The following PLCE1 variants were observed in gnomAD, a reference collection of about 807,000 sequenced individuals.
PLCE1 encodes the protein phospholipase C epsilon 1, also known as 1-phosphatidylinositol 4,5-bisphosphate phosphodiesterase epsilon-1.
In PLCE1, 119 loss-of-function variants were observed where a neutral mutation model predicts 242.8. The observed-to-expected ratio is 0.49, with a 90% confidence interval of 0.42 to 0.57. The LOEUF (loss-of-function observed/expected upper bound fraction) is 0.57, where lower values mean the gene tolerates loss of function less well. PLCE1 is among the 20% of genes least tolerant of loss of function. The pLI is 0.00. For missense variants in PLCE1, 2,441 were observed against 2,788.8 expected (o/e 0.88, Z 2.81); for synonymous variants, 945 against 1,017.4 (o/e 0.93, Z 1.35).
At chr10:94,272,341 C>T (rs2051776829) in intron 18 of PLCE1, among the ~76,000 whole-genome samples, 1 of 152,210 alleles carries the variant, frequency 6.6e-6, no homozygotes, top group Admixed American at 6.5e-5. Flanking sequence ...ACTTGCACGT[C>T]TGTTTATAGG....
chr10:94,129,335 A>G (rs1209376686), intron 2 of PLCE1, among the ~76,000 whole-genome samples: 3 of 152,274 alleles, frequency 2.0e-5, no homozygotes, highest in African/African-American at 2.4e-5. Context: ...ATGATCAAAT[A>G]ACATGGGAAA....
At chr10:94,228,503 T>C (rs2050025019) in intron 5 of PLCE1, among the ~76,000 whole-genome samples, 1 of 152,198 alleles carries the variant, frequency 6.6e-6, no homozygotes, top group Non-Finnish European at 1.5e-5. Context: ...GCGTGGCGTA[T>C]AGTAAGGCCT....
chr10:94,088,969 C>A, intron 2 of PLCE1: 1 of 996,030 alleles, frequency 1.0e-6, no homozygotes, highest in Non-Finnish European at 1.4e-6. Flanking sequence ...TGGATCGCAG[C>A]CCTCCCTCGA....
At chr10:94,091,463 G>C (rs944973869) in intron 2 of PLCE1, among the ~76,000 whole-genome samples, 1 of 152,180 alleles carries the variant, frequency 6.6e-6, no homozygotes, top group Non-Finnish European at 1.5e-5. Context: ...TTTGGGGTGT[G>C]AGGAGTAGAT....
intron 2 of PLCE1, among the ~76,000 whole-genome samples, chr10:94,124,872 G>C (rs1281596990): frequency 6.6e-6 from 1 of 152,180 alleles, no homozygotes; most frequent in East Asian, 1.9e-4. Context: ...ATCAGAAATG[G>C]CCAAGTTTGG....
At chr10:94,040,370 GT>G (rs1406749462) in intron 2 of PLCE1, among the ~76,000 whole-genome samples, 1 of 151,698 alleles carries the variant, frequency 6.6e-6, no homozygotes. Context: ...TATCTAAATT[GT>G]TTTTTTTATT....
At position 94,259,130 on chromosome 10, in the gene PLCE1, G is replaced by C. The variant is rs1432013966; in HGVS notation, c.3794G>C (p.Ser1265Thr). ...AACCTGACAATTGATGAAAACACCA[G>C]CGATCTTCAGCCTGACCTAGGTTTG... The part of the protein sequence containing the change: ...YTNLTIDENT[S>T]DLQPDLDLLT... The change falls in exon 13 of 33, where the codon AGC becomes ACC. Residue 1265 changes from serine (S) to threonine (T), a missense_variant. Ser to Thr is a moderately conservative substitution (Grantham distance 58). Coordinates refer to ENST00000371380, the MANE Select transcript of PLCE1 (RefSeq NM_016341.4). 2 of 1,614,002 alleles carry C rather than the reference G, an allele frequency of 1.2e-6. No homozygotes were observed. The highest frequency in any genetic ancestry group is 1.7e-6 in the Non-Finnish European group (2 of 1,179,992).
intron 2 of PLCE1, among the ~76,000 whole-genome samples, chr10:94,035,127 A>G (rs1211898817): frequency 1.3e-5 from 2 of 152,190 alleles, no homozygotes; most frequent in Admixed American, 6.5e-5. Context: ...CCTGCCATGA[A>G]ACTGCTGCTG....
intron 2 of PLCE1, among the ~76,000 whole-genome samples, chr10:94,106,912 T>TTCTCTCTCTCTCTC (rs771182277): frequency 0.035 from 1,344 of 38,728 alleles, 195 homozygotes; most frequent in Admixed American, 0.052. Context: ...TGTCTCTTGT[T>TTCTCTCTCTCTCTC]TCTCTCTCTC....
intron 1 of PLCE1, among the ~76,000 whole-genome samples, chr10:94,011,760 C>T (rs967728995): frequency 1.3e-5 from 2 of 151,980 alleles, no homozygotes; most frequent in African/African-American, 2.4e-5. Flanking sequence ...AACTGTTAGC[C>T]TCTTCCTTTT....
intron 3 of PLCE1, among the ~76,000 whole-genome samples, chr10:94,159,934 A>C (rs935999984): frequency 1.3e-5 from 2 of 152,118 alleles, no homozygotes; most frequent in South Asian, 2.1e-4. Context: ...CATGTCCCTA[A>C]AAAGAACATG....
chr10:94,106,229 A>G (rs927412046), intron 2 of PLCE1: 3 of 152,256 alleles, frequency 2.0e-5, no homozygotes, highest in African/African-American at 4.8e-5. Flanking sequence ...GTATTCTTCC[A>G]GATGCTTTTC....
intron 7 of PLCE1, among the ~76,000 whole-genome samples, chr10:94,243,422 G>A (rs1292081499): frequency 6.6e-6 from 1 of 152,102 alleles, no homozygotes; most frequent in East Asian, 1.9e-4. Flanking sequence ...GAAGAGAAAA[G>A]GGACATTAAA....
intron 4 of PLCE1, among the ~76,000 whole-genome samples, chr10:94,179,566 G>A (rs1359670727): frequency 1.0e-4 from 13 of 130,278 alleles, no homozygotes; most frequent in African/African-American, 3.7e-4. Context: ...GAGTACAGTG[G>A]CTGATCTTTG....
At chr10:94,227,249 A>G (rs964172956) in intron 4 of PLCE1, 57 bp from the exon 5 acceptor site, 4 of 1,567,996 alleles carry the variant, frequency 2.6e-6, no homozygotes, top group Admixed American at 1.7e-5. Flanking sequence ...TTTTGGAAAA[A>G]AAAATTGCCA....
chr10:94,123,354 A>C (rs1470814062), intron 2 of PLCE1, among the ~76,000 whole-genome samples: 1 of 152,186 alleles, frequency 6.6e-6, no homozygotes, highest in Non-Finnish European at 1.5e-5. Flanking sequence ...CTTCCCATAG[A>C]AGCCTCTGGC....
At chr10:94,242,770 AG>A (rs1352860601) in intron 7 of PLCE1, among the ~76,000 whole-genome samples, 15 of 152,200 alleles carry the variant, frequency 9.9e-5, no homozygotes, top group African/African-American at 3.6e-4. Context: ...GAGCTGTGAA[AG>A]GAATACAAGA....
chr10:94,259,268 G>A (rs1408922605), intron 13 of PLCE1, 118 bp downstream of exon 13: 4 of 1,048,264 alleles, frequency 3.8e-6, no homozygotes, highest in Non-Finnish European at 6.0e-6. Context: ...CTGCTGTGTA[G>A]GGAAAGACTT....
intron 14 of PLCE1, among the ~76,000 whole-genome samples, chr10:94,264,512 ATT>A (rs59860171): frequency 4.2e-3 from 310 of 73,072 alleles, no homozygotes; most frequent in African/African-American, 0.011. Context: ...ACATGATTTG[ATT>A]TTTTTTTTTT....
Sources: gnomAD v4.1 joint callset for allele counts (sites outside exome capture counted in the v4.1 genomes callset) on GRCh38, gnomAD v4.1.1 for gene constraint, MANE v1.5 for transcripts, NCBI Gene and HGNC (gene_info 2026-07-23, HGNC 2026-07-21) for gene names.